UBE2E3: variants seen among roughly 807,000 people sequenced by gnomAD.
UBE2E3 encodes ubiquitin-conjugating enzyme E2 E3.
UBE2E3 carries 5 observed loss-of-function variants against 23.6 expected under a neutral mutation model. The observed-to-expected ratio is 0.21, with a 90% confidence interval of 0.11 to 0.44. The LOEUF is 0.44. UBE2E3 is among the 20% of genes least tolerant of loss of function. The pLI, the probability that UBE2E3 is intolerant of heterozygous loss-of-function variation, is 0.99. For synonymous variants in UBE2E3, 78 were observed against 87.5 expected (o/e 0.89, Z 0.60); for missense variants, 81 against 249.8 (o/e 0.32, Z 4.55).
chr2:181,063,121 G>A lies in UBE2E3; in HGVS notation c.*233G>A, dbSNP rs1687206179. The A allele has an allele frequency of 3.6e-6, 1 of 280,316 alleles. No individual in the cohort carries two copies. Among genetic ancestry groups the A allele is most frequent in the Non-Finnish European group, 6.8e-6 (1 of 146,230 alleles). 17.4% of individuals were successfully genotyped at this position (280,316 alleles called of 1,614,324 possible). On this transcript the variant is annotated 3_prime_UTR_variant, in exon 6 of 6. Coordinates refer to ENST00000410062, the MANE Select transcript of UBE2E3 (RefSeq NM_006357.4). The surrounding 1 kb of genome is among the most constrained non-coding windows in gnomAD (Gnocchi z 4.1). ...GCCTACTTGCAAGTCTTGCTTCTTT[G>A]GGATATCAAAATGTATTTTGTGATG...
intron 4 of UBE2E3, 112 bp from the exon 5 acceptor site, chr2:181,060,553 C>A: frequency 9.3e-7 from 1 of 1,072,788 alleles, no homozygotes; most frequent in Non-Finnish European, 1.3e-6. Flanking sequence ...AGTTTAGCTC[C>A]AGTCAAATAA....
At chr2:181,005,084 C>CA (rs1333962371) in intron 3 of UBE2E3, among the ~76,000 whole-genome samples, 3 of 152,174 alleles carry the variant, frequency 2.0e-5, no homozygotes, top group Non-Finnish European at 2.9e-5. Context: ...CAACTCAAAC[C>CA]AAACCAGCTT....
intron 3 of UBE2E3, among the ~76,000 whole-genome samples, chr2:180,988,510 T>G (rs1163838092): frequency 6.6e-6 from 1 of 152,168 alleles, no homozygotes; most frequent in African/African-American, 2.4e-5. Flanking sequence ...ATAAACAATT[T>G]TTAGATGAGT....
intron 3 of UBE2E3, among the ~76,000 whole-genome samples, chr2:180,984,294 A>G (rs886404223): frequency 6.6e-6 from 1 of 152,184 alleles, no homozygotes; most frequent in African/African-American, 2.4e-5. Context: ...TACATTGTGG[A>G]TTTATGAATA....
intron 3 of UBE2E3, among the ~76,000 whole-genome samples, chr2:181,019,623 A>AT (rs912310159): frequency 2.6e-5 from 4 of 152,258 alleles, no homozygotes; most frequent in African/African-American, 7.2e-5. Context: ...TGTACCAGTG[A>AT]TTTTTTTAAA....
At chr2:181,004,650 G>C (rs1003477955) in intron 3 of UBE2E3, among the ~76,000 whole-genome samples, 2 of 152,016 alleles carry the variant, frequency 1.3e-5, no homozygotes, top group South Asian at 4.1e-4. Context: ...AAAGAATTGC[G>C]TTAAGTAACT....
intron 3 of UBE2E3, among the ~76,000 whole-genome samples, chr2:180,998,116 C>T (rs973551771): frequency 6.6e-6 from 1 of 152,042 alleles, no homozygotes; most frequent in Non-Finnish European, 1.5e-5. Context: ...TAGAGCACAA[C>T]AGCAACTGTG....
intron 3 of UBE2E3, among the ~76,000 whole-genome samples, chr2:181,005,248 A>G (rs1050331335): frequency 6.6e-6 from 1 of 152,208 alleles, no homozygotes; most frequent in South Asian, 2.1e-4. Flanking sequence ...CCTTGTGATC[A>G]TAAGATAACT....
intron 3 of UBE2E3, among the ~76,000 whole-genome samples, chr2:181,030,137 A>G (rs1195715776): frequency 1.3e-5 from 2 of 151,130 alleles, no homozygotes; most frequent in African/African-American, 4.9e-5. Flanking sequence ...TGGCTCCTCT[A>G]TTTTTCCATG....
At chr2:181,016,508 A>G (rs1305273911) in intron 3 of UBE2E3, among the ~76,000 whole-genome samples, 1 of 152,154 alleles carries the variant, frequency 6.6e-6, no homozygotes, top group East Asian at 1.9e-4. Flanking sequence ...TTAATATGTA[A>G]CACCCTATGA....
intron 3 of UBE2E3, among the ~76,000 whole-genome samples, chr2:181,025,628 C>T (rs1685860118): frequency 6.6e-6 from 1 of 151,736 alleles, no homozygotes; most frequent in Admixed American, 6.6e-5. Context: ...CTGGACTTGT[C>T]TCAGAAATGA....
chr2:181,017,885 G>A (rs1685545426), intron 3 of UBE2E3, among the ~76,000 whole-genome samples: 2 of 150,816 alleles, frequency 1.3e-5, no homozygotes, highest in Non-Finnish European at 3.0e-5. Context: ...TGTTGCTACA[G>A]GATTTTTTGG....
chr2:181,030,475 G>C (rs1020532614), intron 3 of UBE2E3, among the ~76,000 whole-genome samples: 2 of 152,020 alleles, frequency 1.3e-5, no homozygotes, highest in South Asian at 4.1e-4. Context: ...GAACAGTCTT[G>C]GATATGATTT....
chr2:181,014,388 A>C (rs191647616), intron 3 of UBE2E3, among the ~76,000 whole-genome samples: 1 of 152,216 alleles, frequency 6.6e-6, no homozygotes, highest in African/African-American at 2.4e-5. Flanking sequence ...AGGTGTATAG[A>C]TGGCAGTATG....
intron 3 of UBE2E3, among the ~76,000 whole-genome samples, chr2:181,018,078 A>G (rs1326049541): frequency 6.6e-6 from 1 of 152,042 alleles, no homozygotes; most frequent in East Asian, 1.9e-4. Flanking sequence ...TGGGGCTGCT[A>G]CAGTGATTGT....
At chr2:180,996,118 A>G (rs1001194367) in intron 3 of UBE2E3, among the ~76,000 whole-genome samples, 2 of 152,166 alleles carry the variant, frequency 1.3e-5, no homozygotes, top group Non-Finnish European at 2.9e-5. Flanking sequence ...TTTAAAAAAA[A>G]CTTCAGCTTA....
intron 3 of UBE2E3, among the ~76,000 whole-genome samples, chr2:181,006,099 A>G (rs1333098585): frequency 6.6e-6 from 1 of 152,200 alleles, no homozygotes; most frequent in Non-Finnish European, 1.5e-5. Context: ...ATTGGGAGGC[A>G]TTTCCAGAGT....
intron 4 of UBE2E3, among the ~76,000 whole-genome samples, chr2:181,058,745 T>A (rs1023915593): frequency 4.6e-5 from 7 of 151,778 alleles, no homozygotes; most frequent in African/African-American, 1.7e-4. Context: ...TATGTGCACA[T>A]AAACGGATTT....
chr2:180,988,237 T>C (rs1160104511), intron 3 of UBE2E3, among the ~76,000 whole-genome samples: 2 of 152,146 alleles, frequency 1.3e-5, no homozygotes, highest in Non-Finnish European at 2.9e-5. Flanking sequence ...GCTCTCACTG[T>C]TGCTGGCATT....
Sources: gnomAD v4.1 joint callset for allele counts (sites outside exome capture counted in the v4.1 genomes callset) on GRCh38, gnomAD v4.1.1 for gene constraint, Gnocchi (gnomAD v3.1) non-coding constraint, MANE v1.5 for transcripts, NCBI Gene and HGNC (gene_info 2026-07-23, HGNC 2026-07-21) for gene names.